The following AMOTL1 variants were observed in gnomAD, a reference collection of about 807,000 sequenced individuals.
AMOTL1 encodes the protein angiomotin-like protein 1.
A neutral mutation model predicts 102.9 loss-of-function variants in AMOTL1; 45 were observed. The observed-to-expected ratio is 0.44, with a 90% CI of 0.34 to 0.56. The LOEUF (loss-of-function observed/expected upper bound fraction) is 0.56, where lower values mean the gene tolerates loss of function less well. Among genes scored for constraint, AMOTL1 ranks in the 20% least tolerant of loss-of-function variants. AMOTL1 has a pLI of 0.01. For synonymous variants in AMOTL1, 481 were observed against 484.7 expected (o/e 0.99, Z 0.10); for missense variants, 1,114 against 1,225.6 (o/e 0.91, Z 1.36).
chr11:94,774,317 T>C (rs571573513), intron 1 of AMOTL1, among the ~76,000 whole-genome samples: 1 of 152,314 alleles, frequency 6.6e-6, no homozygotes, highest in South Asian at 2.1e-4. Flanking sequence ...CTTTCTTTGC[T>C]TCTATAAAAG....
intron 3 of AMOTL1, among the ~76,000 whole-genome samples, chr11:94,755,279 G>A (rs1347065414): frequency 6.6e-6 from 1 of 152,152 alleles, no homozygotes; most frequent in Admixed American, 6.5e-5. Context: ...TGAATGTTAA[G>A]GTTTTGATTT....
chr11:94,869,499 C>A (rs780910170), intron 12 of AMOTL1, 26 bp downstream of exon 12: 23 of 1,561,950 alleles, frequency 1.5e-5, no homozygotes, highest in East Asian at 1.2e-4. Context: ...CACCTTGATG[C>A]CCCTGAAAAC....
At chr11:94,756,054 C>T (rs111654716) in intron 3 of AMOTL1, among the ~76,000 whole-genome samples, 25 of 152,044 alleles carry the variant, frequency 1.6e-4, no homozygotes, top group African/African-American at 1.9e-4. Flanking sequence ...TGTGACCTTC[C>T]GCTGGAGTCA....
intron 3 of AMOTL1, among the ~76,000 whole-genome samples, chr11:94,813,204 A>C (rs146755359): frequency 6.6e-6 from 1 of 152,208 alleles, no homozygotes; most frequent in Non-Finnish European, 1.5e-5. Flanking sequence ...CAAACTCTAG[A>C]AGACAATTTG....
chr11:94,818,571 C>T (rs1565365893), intron 3 of AMOTL1, among the ~76,000 whole-genome samples: 1 of 152,114 alleles, frequency 6.6e-6, no homozygotes, highest in East Asian at 1.9e-4. Context: ...ATAAATTTGT[C>T]TTGTGATTTG....
At chr11:94,835,303 C>T (rs1484934143) in intron 6 of AMOTL1, among the ~76,000 whole-genome samples, 1 of 152,150 alleles carries the variant, frequency 6.6e-6, no homozygotes, top group Non-Finnish European at 1.5e-5. Context: ...TGTCCCTCAA[C>T]TTAACTAAGG....
At chr11:94,725,747 A>G (rs1232393059) in intron 1 of AMOTL1, among the ~76,000 whole-genome samples, 1 of 152,148 alleles carries the variant, frequency 6.6e-6, no homozygotes, top group Non-Finnish European at 1.5e-5. Context: ...AGCTCTAGGA[A>G]TGGCTGAATA....
At chr11:94,808,970 T>C (rs1314861806) in intron 3 of AMOTL1, among the ~76,000 whole-genome samples, 2 of 82,092 alleles carry the variant, frequency 2.4e-5, no homozygotes, top group African/African-American at 8.0e-5. Flanking sequence ...TCTTTCTTTT[T>C]TTTTTTTTTT....
chr11:94,847,894 TCA>T (rs1447467450), intron 6 of AMOTL1, among the ~76,000 whole-genome samples: 2 of 152,190 alleles, frequency 1.3e-5, no homozygotes, highest in Non-Finnish European at 2.9e-5. Context: ...ATTCTTGAGC[TCA>T]GACTATCATT....
At chr11:94,750,478 T>A (rs906982379) in intron 3 of AMOTL1, among the ~76,000 whole-genome samples, 3 of 152,174 alleles carry the variant, frequency 2.0e-5, no homozygotes, top group Non-Finnish European at 4.4e-5. Context: ...TCCTGTGCAC[T>A]CTCTGAGTGG....
At chr11:94,832,757 G>A (rs978739982) in intron 6 of AMOTL1, among the ~76,000 whole-genome samples, 3 of 152,186 alleles carry the variant, frequency 2.0e-5, no homozygotes, top group South Asian at 2.1e-4. Flanking sequence ...ATTTAAGATC[G>A]TGACACATTC....
intron 3 of AMOTL1, among the ~76,000 whole-genome samples, chr11:94,755,333 C>A (rs539627252): frequency 3.9e-5 from 6 of 152,120 alleles, no homozygotes; most frequent in Non-Finnish European, 7.3e-5. Flanking sequence ...CTGATCGACT[C>A]CATTTTGGAG....
intron 3 of AMOTL1, among the ~76,000 whole-genome samples, chr11:94,819,943 G>A (rs116693365): frequency 0.018 from 2,674 of 151,750 alleles, 32 homozygotes; most frequent in African/African-American, 0.027. Flanking sequence ...GAATGGGGAC[G>A]GGGATGGAAA....
At chr11:94,814,196 G>A (rs2135604473) in intron 3 of AMOTL1, among the ~76,000 whole-genome samples, 1 of 152,294 alleles carries the variant, frequency 6.6e-6, no homozygotes, top group African/African-American at 2.4e-5. Context: ...GCTGAAATCA[G>A]GTGATAGTGC....
At chr11:94,779,730 A>AT (rs760959086) in intron 1 of AMOTL1, among the ~76,000 whole-genome samples, 9 of 152,220 alleles carry the variant, frequency 5.9e-5, no homozygotes, top group East Asian at 5.8e-4. Flanking sequence ...TGATTTAGAC[A>AT]TTTTTTTCAA....
chr11:94,758,684 G>A lies in AMOTL1; in HGVS notation c.136+17696G>A, dbSNP rs150055002. 1.8e-3 allele frequency among the ~76,000 whole-genome samples: 269 copies of A among 152,312 alleles called. 3 individuals are homozygous for A. Among genetic ancestry groups the A allele is most frequent in the African/African-American group, 5.9e-3 (246 of 41,562 alleles). On this transcript the variant is annotated intron_variant, in intron 3 of 4. Transcript: ENST00000299004. ...CACCTAAAGTAGTACATAAAGTATA[G>A]CAGGATTTCCGTATACTCTGCAATC...
intron 1 of AMOTL1, among the ~76,000 whole-genome samples, chr11:94,771,829 T>C (rs1950957743): frequency 1.3e-5 from 2 of 152,128 alleles, no homozygotes; most frequent in Non-Finnish European, 2.9e-5. Flanking sequence ...CCCCCCATCT[T>C]TTAGGAGAGA....
intron 1 of AMOTL1, among the ~76,000 whole-genome samples, chr11:94,721,027 T>C (rs556249108): frequency 6.8e-4 from 104 of 152,264 alleles, no homozygotes; most frequent in African/African-American, 2.4e-3. Context: ...GGGAAACCTG[T>C]TGAGAATATG....
At chr11:94,756,160 C>G (rs541438767) in intron 3 of AMOTL1, among the ~76,000 whole-genome samples, 6 of 152,282 alleles carry the variant, frequency 3.9e-5, no homozygotes, top group African/African-American at 1.4e-4. Flanking sequence ...GTGTGCTCTT[C>G]TGCTCCTCTC....
Sources: allele counts gnomAD v4.1 joint callset (sites outside exome capture counted in the v4.1 genomes callset), GRCh38; gene constraint gnomAD v4.1.1; transcripts MANE v1.5; gene names NCBI Gene and HGNC (gene_info 2026-07-23, HGNC 2026-07-21).